The following ABCB7 variants were observed in gnomAD, a reference collection of about 807,000 sequenced individuals.
ABCB7 encodes the protein ATP binding cassette subfamily B member 7.
In ABCB7, 7 loss-of-function variants were observed where a neutral mutation model predicts 54.4. The ratio of observed to expected loss-of-function variants is 0.13; its 90% CI spans 0.07 to 0.24. The LOEUF (loss-of-function observed/expected upper bound fraction) is 0.24, where lower values mean the gene tolerates loss of function less well. ABCB7 is among the 10% of genes least tolerant of loss of function. The probability of loss-of-function intolerance (pLI) is 1.00; values close to 1 mark genes in which losing one functional copy is unlikely to be tolerated. For synonymous variants in ABCB7, 218 were observed against 207.1 expected, an observed-to-expected ratio of 1.05 and a Z score of -0.45; for missense variants, 356 against 570.4, an observed-to-expected ratio of 0.62 and a Z score of 3.83.
intron 1 of ABCB7, among the ~76,000 whole-genome samples, chrX:75,152,050 T>C (rs1183449908): frequency 1.8e-5 from 2 of 111,888 alleles, no homozygotes; most frequent in East Asian, 5.6e-4. Flanking sequence ...CTCACTCATA[T>C]GAATAATTGG....
At chrX:75,126,246 C>A (rs1237682544) in intron 1 of ABCB7, among the ~76,000 whole-genome samples, 2 of 111,791 alleles carry the variant, frequency 1.8e-5, no homozygotes, top group African/African-American at 6.5e-5. Context: ...CCATGTTGTA[C>A]ACAACAAAAT....
chrX:75,101,331 A>G (rs2147507421), intron 3 of ABCB7, among the ~76,000 whole-genome samples: 1 of 109,965 alleles, frequency 9.1e-6, no homozygotes, highest in Non-Finnish European at 1.9e-5. Flanking sequence ...TACCTTATAT[A>G]ATACAGGTTA....
At chrX:75,089,701 A>G (rs949239279) in intron 4 of ABCB7, among the ~76,000 whole-genome samples, 7 of 111,532 alleles carry the variant, frequency 6.3e-5, no homozygotes, top group African/African-American at 1.6e-4. Context: ...CATATGGTCA[A>G]TATTAATCCA....
intron 3 of ABCB7, among the ~76,000 whole-genome samples, chrX:75,101,361 C>A (rs1215279555): frequency 1.8e-5 from 2 of 109,468 alleles, no homozygotes; most frequent in Non-Finnish European, 3.8e-5. Flanking sequence ...TATAGTTATC[C>A]CTCTAGGACT....
chrX:75,070,218 C>T, intron 10 of ABCB7, 147 bp downstream of exon 10: 2 of 577,838 alleles, frequency 3.5e-6, no homozygotes. Context: ...CCTCTTAATA[C>T]AGGTGATAGC....
chrX:75,068,548 T>A (rs2147461006), intron 12 of ABCB7, among the ~76,000 whole-genome samples: 1 of 112,519 alleles, frequency 8.9e-6, no homozygotes, highest in East Asian at 2.8e-4. Context: ...TACTTTGTAA[T>A]TATTATAAAT....
At chrX:75,080,448 T>C (rs1051494038) in intron 4 of ABCB7, among the ~76,000 whole-genome samples, 11 of 110,911 alleles carry the variant, frequency 9.9e-5, no homozygotes, top group African/African-American at 3.0e-4. Flanking sequence ...GGGACTACAA[T>C]TGCACGCCAC....
At chrX:75,129,914 T>A (rs1035508698) in intron 1 of ABCB7, among the ~76,000 whole-genome samples, 1 of 111,132 alleles carries the variant, frequency 9.0e-6, no homozygotes, top group East Asian at 2.8e-4. Flanking sequence ...AATACTACAT[T>A]ATCTCATTTC....
intron 6 of ABCB7, among the ~76,000 whole-genome samples, chrX:75,074,229 T>C (rs1337238551): frequency 9.0e-6 from 1 of 111,570 alleles, no homozygotes; most frequent in Non-Finnish European, 1.9e-5. Flanking sequence ...ATAAAAAATA[T>C]ATACATATAT....
chrX:75,154,144 A>T (rs1338266952), intron 1 of ABCB7, among the ~76,000 whole-genome samples: 3 of 111,385 alleles, frequency 2.7e-5, no homozygotes, highest in African/African-American at 9.8e-5. Flanking sequence ...AGAAACAGAA[A>T]ACAAAGGTAA....
intron 15 of ABCB7, among the ~76,000 whole-genome samples, chrX:75,055,505 G>C (rs1196811718): frequency 2.3e-5 from 2 of 86,694 alleles, no homozygotes; most frequent in African/African-American, 4.4e-5. Context: ...CCAGGAGTTT[G>C]AGACTAGCCT....
chrX:75,064,449 T>C (rs1358284136), intron 13 of ABCB7, among the ~76,000 whole-genome samples: 1 of 110,396 alleles, frequency 9.1e-6, no homozygotes, highest in African/African-American at 3.4e-5. Context: ...GAAACATTTT[T>C]CTGTGTCCTC....
At chrX:75,080,493 C>T (rs1037391262) in intron 4 of ABCB7, among the ~76,000 whole-genome samples, 9 of 110,739 alleles carry the variant, frequency 8.1e-5, no homozygotes, top group Admixed American at 5.8e-4. Context: ...TTGGTAGACA[C>T]GGGGTTTCAC....
chrX:75,155,993 T>C (rs1255059677), intron 1 of ABCB7, 112 bp downstream of exon 1: 1 of 870,857 alleles, frequency 1.1e-6, no homozygotes, highest in East Asian at 3.4e-5. Flanking sequence ...TGCTCCCAGT[T>C]AGCCATGACT....
At chrX:75,139,675 T>C (rs902628233) in intron 1 of ABCB7, among the ~76,000 whole-genome samples, 5 of 112,449 alleles carry the variant, frequency 4.4e-5, no homozygotes, top group Non-Finnish European at 9.4e-5. Flanking sequence ...CTTTGGATTC[T>C]TTATATCTGC....
rs755004904 is a variant in ABCB7, at chrX:75,140,987, CA to C, written c.168+15117del. On this transcript the variant is annotated intron_variant, in intron 1 of 15. Transcript: ENST00000373394. Reference sequence around the variant, plus strand: ...GGACATAATCTCATAAGGTTAAAAACAAAGACAAAAACCCTTAACTCTCATG... The same window carrying C: ...GGACATAATCTCATAAGGTTAAAAACAAGACAAAAACCCTTAACTCTCATG... 7.0e-4 allele frequency among the ~76,000 whole-genome samples: 78 copies of C among 111,834 alleles called. 2 individuals carry two copies. In the Admixed American group the frequency reaches 7.4e-3, roughly 11 times the overall value.
At chrX:75,082,088 T>G (rs1602352312) in intron 4 of ABCB7, among the ~76,000 whole-genome samples, 1 of 111,265 alleles carries the variant, frequency 9.0e-6, no homozygotes, top group East Asian at 2.8e-4. Flanking sequence ...CATAAACCTA[T>G]AATTTCAAGA....
At chrX:75,068,392 C>T (rs754883172) in intron 12 of ABCB7, among the ~76,000 whole-genome samples, 1 of 111,867 alleles carries the variant, frequency 8.9e-6, no homozygotes, top group Admixed American at 9.5e-5. Flanking sequence ...TACTTCTTAA[C>T]TTCTCAGACC....
chrX:75,090,567 T>C (rs2081535751), intron 4 of ABCB7, among the ~76,000 whole-genome samples: 1 of 108,608 alleles, frequency 9.2e-6, no homozygotes, highest in Middle Eastern at 4.7e-3. Flanking sequence ...TAAGTTTCCA[T>C]CTTGGGAAAA....
Sources: allele counts gnomAD v4.1 joint callset (sites outside exome capture counted in the v4.1 genomes callset), GRCh38; gene constraint gnomAD v4.1.1; transcripts MANE v1.5; gene names NCBI Gene and HGNC (gene_info 2026-07-23, HGNC 2026-07-21).